Variants in ADGRV1 observed in about 807,000 individuals in gnomAD.
ADGRV1 encodes the protein adhesion G protein-coupled receptor V1.
A neutral mutation model predicts 596.2 loss-of-function variants in ADGRV1; 359 were observed. The observed-to-expected ratio is 0.60, with a 90% CI of 0.55 to 0.66. The LOEUF is 0.66. Ranked by LOEUF, ADGRV1 falls within the 30% of genes least tolerant of loss-of-function variation. ADGRV1 has a pLI of 0.00. For synonymous variants in ADGRV1, 2,681 were observed against 2,679.2 expected (o/e 1.00, Z -0.02); for missense variants, 7,274 against 7,575.6 (o/e 0.96, Z 1.48).
chr5:90,635,222 G>T lies in ADGRV1; in HGVS notation c.1948G>T (p.Gly650Ter). The change falls in exon 10 of 90, where the codon GGA becomes TGA. Residue 650 changes from glycine (G) to a stop codon, truncating the protein, a stop_gained. Coordinates refer to ENST00000405460, the MANE Select transcript of ADGRV1 (RefSeq NM_032119.4). LOFTEE classifies it high-confidence loss of function. ...ACTGGTTACTCCAGCCATTGCAAAT[G>T]GAGAAATTGGCTTTCTCAGCAATCT... ...SLLVTPAIAN[G>*]EIGFLSNLPI... 6.2e-7 allele frequency: 1 copy of T among 1,612,950 alleles called. No individual in the cohort carries two copies. The highest frequency in any genetic ancestry group is 8.5e-7 in the Non-Finnish European group (1 of 1,179,520).
At position 90,810,501 on chromosome 5, in the gene ADGRV1, G is replaced by T; in HGVS notation, c.15241G>T (p.Asp5081Tyr). 6.2e-7 allele frequency: 1 copy of T among 1,613,866 alleles called. No homozygotes were observed. Among genetic ancestry groups the T allele is most frequent in the Non-Finnish European group, 8.5e-7 (1 of 1,179,832 alleles). Reference sequence around the variant, plus strand: ...TGATTTTGAAATAACCATTATTAATGATCAGCTTTCTGAGATAGAAGAATT... The same window carrying T: ...TGATTTTGAAATAACCATTATTAATTATCAGCTTTCTGAGATAGAAGAATT... ...EVDFEITIIN[D>Y]QLSEIEEFFY... The change falls in exon 74 of 90, where the codon GAT becomes TAT. Residue 5081 changes from aspartate to tyrosine, a missense_variant. Physicochemically the swap from Asp to Tyr is radical, Grantham distance 160. Coordinates refer to ENST00000405460, the MANE Select transcript of ADGRV1 (RefSeq NM_032119.4).
chr5:90,588,894 C>T (rs953685551), intron 1 of ADGRV1, among the ~76,000 whole-genome samples: 2 of 152,108 alleles, frequency 1.3e-5, no homozygotes, highest in African/African-American at 4.8e-5. Context: ...AACTTTAACT[C>T]GGAGCCTAAC....
intron 25 of ADGRV1, 40 bp from the exon 26 acceptor site, chr5:90,679,509 G>A (rs770842254): frequency 8.4e-6 from 12 of 1,426,250 alleles, no homozygotes; most frequent in Admixed American, 1.7e-5. Flanking sequence ...TTGTGTCAAT[G>A]TGTGTTGTGT....
At chr5:91,045,048 A>C (rs1386903827) in intron 85 of ADGRV1, among the ~76,000 whole-genome samples, 3 of 152,154 alleles carry the variant, frequency 2.0e-5, no homozygotes, top group Non-Finnish European at 2.9e-5. Flanking sequence ...AGAAGAGAAC[A>C]TTCCATGCAT....
chr5:90,686,383 G>C (rs995999670), intron 29 of ADGRV1, among the ~76,000 whole-genome samples: 1 of 151,960 alleles, frequency 6.6e-6, no homozygotes, highest in Non-Finnish European at 1.5e-5. Flanking sequence ...CCCCACAACA[G>C]TCCCCAGAGT....
chr5:90,628,949 CT>C (rs1421798440), intron 8 of ADGRV1, 117 bp downstream of exon 8: 1 of 943,690 alleles, frequency 1.1e-6, no homozygotes, highest in Admixed American at 3.0e-5. Flanking sequence ...AAAACACTGG[CT>C]TTGCAAATGA....
chr5:90,774,176 T>A lies in ADGRV1; in HGVS notation c.12286-10T>A. 6.6e-7 allele frequency: 1 copy of A among 1,505,770 alleles called. No homozygotes were observed. The highest frequency in any genetic ancestry group is 9.2e-7 in the Non-Finnish European group (1 of 1,092,556). The allele number at this position is 1,505,770 out of a possible 1,614,324, so 93.3% of individuals were successfully genotyped here. ...TCTGGAAAATGCACTGTTTCTGTCATTGGATGTAGACTGAGTCCCAGAAGA... is the reference window on the plus strand; with the variant it reads ...TCTGGAAAATGCACTGTTTCTGTCAATGGATGTAGACTGAGTCCCAGAAGA... On this transcript the variant is annotated splice_polypyrimidine_tract_variant and intron_variant, in intron 59 of 89. Coordinates refer to ENST00000405460, the MANE Select transcript of ADGRV1 (RefSeq NM_032119.4).
chr5:91,104,040 G>A (rs1419857837), intron 87 of ADGRV1, among the ~76,000 whole-genome samples: 1 of 152,164 alleles, frequency 6.6e-6, no homozygotes, highest in African/African-American at 2.4e-5. Flanking sequence ...GCAAGGGGAA[G>A]CCATCGAAGT....
intron 83 of ADGRV1, among the ~76,000 whole-genome samples, chr5:90,949,875 C>G (rs1776913576): frequency 6.6e-6 from 1 of 152,202 alleles, no homozygotes; most frequent in Non-Finnish European, 1.5e-5. Flanking sequence ...TTGGAAGTGA[C>G]TCAGTACAGT....
chr5:90,708,640 CAAGTAT>C (rs1354394156), intron 38 of ADGRV1, among the ~76,000 whole-genome samples, 170 bp from the exon 39 acceptor site: 2 of 151,804 alleles, frequency 1.3e-5, no homozygotes, highest in Non-Finnish European at 2.9e-5. Flanking sequence ...CCTATACAAC[CAAGTAT>C]AAGTTTAATA....
rs1164974921 is a variant in ADGRV1, at chr5:90,681,450, T to C, written c.5660T>C (p.Leu1887Ser). Residue 1887 changes from leucine to serine, a missense_variant, in exon 27 of 90, where the codon TTA becomes TCA. This residue lies in a region of ADGRV1 where 3,643 missense variants were observed against 3,809.2 expected (regional missense o/e 0.96). Transcript: ENST00000405460. ...EPEDGYSTVT[L>S]NVIRHHGTLS... ...GAAGATGGGTATAGCACTGTTACAT[T>C]AAATGTGAGTACCTTTTCTTCCTTC... 1.2e-6 allele frequency: 2 copies of C among 1,609,558 alleles called. No homozygotes were observed. The highest frequency in any genetic ancestry group is 2.7e-5 in the African/African-American group (2 of 74,814).
At chr5:90,885,394 G>A (rs1770182953) in intron 83 of ADGRV1, among the ~76,000 whole-genome samples, 1 of 152,032 alleles carries the variant, frequency 6.6e-6, no homozygotes, top group Admixed American at 6.6e-5. Flanking sequence ...TGATGACTAA[G>A]GATTGTTAAA....
chr5:90,822,604 C>T (rs902559270), intron 75 of ADGRV1, among the ~76,000 whole-genome samples: 1 of 152,222 alleles, frequency 6.6e-6, no homozygotes, highest in Non-Finnish European at 1.5e-5. Flanking sequence ...ACTGACTCGG[C>T]GATGCGGGCT....
At chr5:91,028,523 T>A (rs1784203052) in intron 85 of ADGRV1, among the ~76,000 whole-genome samples, 1 of 152,082 alleles carries the variant, frequency 6.6e-6, no homozygotes, top group African/African-American at 2.4e-5. Context: ...CCTAAGCATA[T>A]TTTCTCAGTA....
At chr5:90,751,571 A>G (rs1455756998) in intron 53 of ADGRV1, among the ~76,000 whole-genome samples, 1 of 151,136 alleles carries the variant, frequency 6.6e-6, no homozygotes, top group Non-Finnish European at 1.5e-5. Flanking sequence ...CCAAATAAGT[A>G]CATGATTAAC....
intron 84 of ADGRV1, among the ~76,000 whole-genome samples, chr5:90,972,142 G>C (rs562802090): frequency 1.4e-4 from 22 of 152,298 alleles, no homozygotes; most frequent in African/African-American, 4.3e-4. Flanking sequence ...AATTCAACAA[G>C]AAGAGCTGAC....
At position 90,628,843 on chromosome 5, in the gene ADGRV1, T is replaced by C. The variant is rs397517424; in HGVS notation, c.1509+11T>C. 1 of 1,610,890 alleles carries C rather than the reference T, an allele frequency of 6.2e-7. No individual in the cohort carries two copies. Among genetic ancestry groups the C allele is most frequent in the African/African-American group, 1.3e-5 (1 of 74,874 alleles). The stretch of plus-strand genomic sequence containing the variant: ...AGCGAGCCAGCGGAGGTATAACCCT[T>C]GTTATGCTTTATGCTTGTTAATATT... On this transcript the variant is annotated intron_variant, in intron 8 of 89. Coordinates refer to ENST00000405460, the MANE Select transcript of ADGRV1 (RefSeq NM_032119.4).
chr5:90,638,795 A>G (rs374265346), intron 11 of ADGRV1, among the ~76,000 whole-genome samples: 1 of 152,168 alleles, frequency 6.6e-6, no homozygotes, highest in African/African-American at 2.4e-5. Context: ...AAGTTATTTT[A>G]TATAGTCCAT....
At chr5:91,105,679 A>AAAAGATT (rs1485061874) in intron 87 of ADGRV1, among the ~76,000 whole-genome samples, 1 of 152,124 alleles carries the variant, frequency 6.6e-6, no homozygotes, top group Non-Finnish European at 1.5e-5. Flanking sequence ...TGCTGTTGAA[A>AAAAGATT]TGTTTGAGTT....
Sources: allele counts gnomAD v4.1 joint callset (sites outside exome capture counted in the v4.1 genomes callset), GRCh38; gene constraint gnomAD v4.1.1; regional missense constraint gnomAD v4.1.1; transcripts MANE v1.5; gene names NCBI Gene and HGNC (gene_info 2026-07-23, HGNC 2026-07-21).